The following TXNDC16 variants were observed in gnomAD, a reference collection of about 807,000 sequenced individuals.
The protein encoded by TXNDC16 is thioredoxin domain-containing protein 16.
A neutral mutation model predicts 85.6 loss-of-function variants in TXNDC16; 74 were observed. The observed-to-expected ratio is 0.86, with a 90% CI of 0.72 to 1.05. The LOEUF (loss-of-function observed/expected upper bound fraction) is 1.05. Among genes scored for constraint, TXNDC16 ranks in the 50% least tolerant of loss-of-function variants. The pLI is 0.00. For synonymous variants in TXNDC16, 335 were observed against 326.5 expected, an observed-to-expected ratio of 1.03 and a Z score of -0.28; for missense variants, 959 against 947.0, an observed-to-expected ratio of 1.01 and a Z score of -0.17.
intron 7 of TXNDC16, among the ~76,000 whole-genome samples, chr14:52,517,825 T>G (rs1395162026): frequency 6.6e-6 from 1 of 152,176 alleles, no homozygotes; most frequent in Non-Finnish European, 1.5e-5. Flanking sequence ...CAGTGCCCCG[T>G]TTTTCTCCTT....
intron 20 of TXNDC16, among the ~76,000 whole-genome samples, chr14:52,435,849 C>T (rs569939411): frequency 1.0e-3 from 155 of 151,966 alleles, no homozygotes; most frequent in African/African-American, 3.5e-3. Context: ...CTTGGTGGTG[C>T]ATGCATGTAG....
intron 7 of TXNDC16, among the ~76,000 whole-genome samples, chr14:52,516,659 T>C (rs1203325519): frequency 4.6e-5 from 7 of 152,200 alleles, no homozygotes; most frequent in Admixed American, 3.9e-4. Context: ...TTTCTTGAAG[T>C]ATTTCTTTGA....
intron 6 of TXNDC16, among the ~76,000 whole-genome samples, chr14:52,530,090 TTA>T (rs1403901347): frequency 3.4e-5 from 3 of 88,432 alleles, no homozygotes; most frequent in African/African-American, 1.4e-4. Flanking sequence ...TATTATGCAT[TTA>T]TATATTATAT....
chr14:52,543,376 T>C (rs1594768325), intron 3 of TXNDC16, 22 bp downstream of exon 3: 1 of 1,590,496 alleles, frequency 6.3e-7, no homozygotes, highest in Non-Finnish European at 8.5e-7. Flanking sequence ...AAGAATCATA[T>C]TAGAATTTTA....
intron 11 of TXNDC16, among the ~76,000 whole-genome samples, chr14:52,489,095 C>G (rs1272938242): frequency 6.6e-6 from 1 of 152,076 alleles, no homozygotes; most frequent in African/African-American, 2.4e-5. Flanking sequence ...AGTTCTACCT[C>G]TTTATAAAAT....
intron 9 of TXNDC16, among the ~76,000 whole-genome samples, chr14:52,509,418 A>G (rs2036899100): frequency 6.6e-6 from 1 of 152,092 alleles, no homozygotes; most frequent in Non-Finnish European, 1.5e-5. Context: ...GCTCTATGCT[A>G]GAATGGAAGA....
intron 9 of TXNDC16, among the ~76,000 whole-genome samples, chr14:52,504,276 A>G (rs1379706458): frequency 1.3e-5 from 2 of 152,220 alleles, no homozygotes; most frequent in Non-Finnish European, 2.9e-5. Context: ...TGTCAGATTC[A>G]CCAAAGTTGA....
intron 9 of TXNDC16, among the ~76,000 whole-genome samples, chr14:52,499,719 A>G (rs556034237): frequency 6.6e-6 from 1 of 152,136 alleles, no homozygotes; most frequent in Non-Finnish European, 1.5e-5. Context: ...AGGCACTATG[A>G]AAACAGTACA....
In TXNDC16 at chr14:52,455,368, G is replaced by T; in HGVS notation, c.1798C>A (p.Gln600Lys). Residue 600 changes from glutamine (Q) to lysine (K), a missense_variant, in exon 18 of 21, where the codon CAA becomes AAA. Transcript: ENST00000281741. ...TCTGTTATTATTTGAACTATGTCTT[G>T]TGCATGTGTGCTAGCTAGTGGGATG... ...ESIPLASTHA[Q>K]DIVQIITDAL... The T allele has an allele frequency of 2.5e-6, 4 of 1,613,912 alleles. No homozygotes were observed. Among genetic ancestry groups the T allele is most frequent in the Non-Finnish European group, 3.4e-6 (4 of 1,179,888 alleles).
chr14:52,523,570 C>A (rs2037261434), intron 6 of TXNDC16, among the ~76,000 whole-genome samples: 1 of 152,124 alleles, frequency 6.6e-6, no homozygotes, highest in Non-Finnish European at 1.5e-5. Flanking sequence ...TGTATTATGA[C>A]TGGGCAGATT....
At chr14:52,529,881 A>G (rs1238116097) in intron 6 of TXNDC16, among the ~76,000 whole-genome samples, 1 of 101,372 alleles carries the variant, frequency 9.9e-6, no homozygotes, top group Non-Finnish European at 1.7e-5. Flanking sequence ...CCTATTATAT[A>G]TATGAATTAT....
intron 3 of TXNDC16, 111 bp from the exon 4 acceptor site, chr14:52,542,564 T>C: frequency 1.6e-6 from 1 of 636,096 alleles, no homozygotes; most frequent in Non-Finnish European, 2.8e-6. Context: ...CAACAACAAA[T>C]AACTAAACAT....
At chr14:52,442,361 T>C (rs1486662217) in intron 18 of TXNDC16, among the ~76,000 whole-genome samples, 1 of 152,164 alleles carries the variant, frequency 6.6e-6, no homozygotes, top group Non-Finnish European at 1.5e-5. Context: ...TCACCACGGC[T>C]AAGCAGGGGG....
chr14:52,538,642 A>G (rs983503163), intron 4 of TXNDC16, among the ~76,000 whole-genome samples: 10 of 152,272 alleles, frequency 6.6e-5, no homozygotes, highest in African/African-American at 2.4e-4. Context: ...GGAAGAGAGG[A>G]AAGAGAAAAA....
intron 16 of TXNDC16, among the ~76,000 whole-genome samples, chr14:52,460,238 AAGG>A (rs1349177661): frequency 6.6e-6 from 1 of 152,076 alleles, no homozygotes; most frequent in Non-Finnish European, 1.5e-5. Context: ...AGATCTCTGC[AAGG>A]AGAATTATAA....
intron 18 of TXNDC16, among the ~76,000 whole-genome samples, chr14:52,444,509 T>C (rs2035235690): frequency 6.6e-6 from 1 of 152,174 alleles, no homozygotes; most frequent in Admixed American, 6.5e-5. Context: ...CTAAAGTCTC[T>C]CTAAAGCCTA....
At chr14:52,477,594 A>G (rs557582545) in intron 14 of TXNDC16, among the ~76,000 whole-genome samples, 2 of 152,240 alleles carry the variant, frequency 1.3e-5, no homozygotes, top group Non-Finnish European at 2.9e-5. Flanking sequence ...TCATTATATA[A>G]TGATAAAAGG....
At chr14:52,504,276 A>C (rs1379706458) in intron 9 of TXNDC16, among the ~76,000 whole-genome samples, 2 of 152,220 alleles carry the variant, frequency 1.3e-5, no homozygotes, top group Non-Finnish European at 2.9e-5. Flanking sequence ...TGTCAGATTC[A>C]CCAAAGTTGA....
chr14:52,465,098 C>T (rs1218501138), intron 16 of TXNDC16, among the ~76,000 whole-genome samples: 1 of 152,022 alleles, frequency 6.6e-6, no homozygotes, highest in Non-Finnish European at 1.5e-5. Context: ...AAAAAAATTG[C>T]TAGATGTAAA....
Sources: gnomAD v4.1 joint callset for allele counts (sites outside exome capture counted in the v4.1 genomes callset) on GRCh38, gnomAD v4.1.1 for gene constraint, MANE v1.5 for transcripts, NCBI Gene and HGNC (gene_info 2026-07-23, HGNC 2026-07-21) for gene names.